RNF144A: variants seen among roughly 807,000 people sequenced by gnomAD.
RNF144A encodes the protein E3 ubiquitin-protein ligase RNF144A.
Under a neutral mutation model 38.7 loss-of-function variants are expected in RNF144A, and 11 were observed. The observed-to-expected ratio is 0.28, with a 90% CI of 0.18 to 0.47. The LOEUF (loss-of-function observed/expected upper bound fraction) is 0.47. RNF144A is among the 20% of genes least tolerant of loss of function. The probability of loss-of-function intolerance (pLI) is 0.99; values close to 1 mark genes in which losing one functional copy is unlikely to be tolerated. For synonymous variants in RNF144A, 149 were observed against 143.9 expected, an observed-to-expected ratio of 1.04 and a Z score of -0.25; for missense variants, 316 against 377.2, an observed-to-expected ratio of 0.84 and a Z score of 1.34.
At chr2:7,025,333 G>A (rs981275526) in intron 7 of RNF144A, among the ~76,000 whole-genome samples, 4 of 152,198 alleles carry the variant, frequency 2.6e-5, no homozygotes, top group African/African-American at 9.6e-5. Flanking sequence ...AAATGATGAA[G>A]CTATGATTTT....
rs1448609990 is a variant in RNF144A, at chr2:6,917,424, T to TCGCGCCCCGCC, written c.-404_-394dup. ...CCGCGTGCCCGGCCTCTGTGCGCGC[T>TCGCGCCCCGCC]CGCGCCCCGCCCGCGCAGCCGCTTC... On this transcript the variant is annotated 5_prime_UTR_variant, in exon 1 of 9. Transcript: ENST00000320892. This position sits in a 1 kb window ranked among gnomAD's most constrained non-coding sequence, Gnocchi z 4.8. The TCGCGCCCCGCC allele has an allele frequency of 1.4e-5, 2 of 145,636 alleles. No individual in the cohort carries two copies. The highest frequency in any genetic ancestry group is 3.0e-5 in the Non-Finnish European group (2 of 65,796). The allele number at this position is 145,636 out of a possible 1,614,324, so 9.0% of individuals were successfully genotyped here.
chr2:6,982,182 A>C (rs992264514), intron 2 of RNF144A, among the ~76,000 whole-genome samples: 2 of 152,246 alleles, frequency 1.3e-5, no homozygotes, highest in African/African-American at 4.8e-5. Flanking sequence ...CACAGAGCCA[A>C]ATCTTATCAT....
At chr2:7,056,609 C>T (rs1673749734) in intron 6 of RNF144A, among the ~76,000 whole-genome samples, 1 of 152,140 alleles carries the variant, frequency 6.6e-6, no homozygotes, top group African/African-American at 2.4e-5. Flanking sequence ...CAGCACTGGC[C>T]CCATTCCACT....
rs1572229727 is a variant in RNF144A at position 6,941,823 on chromosome 2, C to T, written c.-12+676C>T. On this transcript the variant is annotated intron_variant, in intron 2 of 8. Transcript: ENST00000320892. This position sits in a 1 kb window ranked among gnomAD's most constrained non-coding sequence, Gnocchi z 6.5. ...GGCAAGAGCGCTGTAGACAGAAGGG[C>T]TGGTGGCTGCAGCATACGGACAGCT... Among the ~76,000 whole-genome samples the T allele has an allele frequency of 6.6e-6, 1 of 152,228 alleles. No individual in the cohort carries two copies. Among genetic ancestry groups the T allele is most frequent in the Non-Finnish European group, 1.5e-5 (1 of 68,040 alleles).
At chr2:7,036,905 G>A (rs1221520872) in intron 8 of RNF144A, among the ~76,000 whole-genome samples, 1 of 152,170 alleles carries the variant, frequency 6.6e-6, no homozygotes, top group Non-Finnish European at 1.5e-5. Flanking sequence ...ATTATGAGAG[G>A]TGCCGGGCTG....
At chr2:6,947,964 C>T (rs1666445645) in intron 2 of RNF144A, among the ~76,000 whole-genome samples, 1 of 152,222 alleles carries the variant, frequency 6.6e-6, no homozygotes, top group Admixed American at 6.5e-5. Context: ...ATGTTAGCCA[C>T]TCACATGTTA....
At chr2:6,995,103 T>C (rs1669635710) in intron 2 of RNF144A, among the ~76,000 whole-genome samples, 1 of 152,150 alleles carries the variant, frequency 6.6e-6, no homozygotes, top group Non-Finnish European at 1.5e-5. Context: ...GAATTCTCCC[T>C]TCTCCTTCCA....
intron 2 of RNF144A, among the ~76,000 whole-genome samples, chr2:6,983,718 A>G (rs923914762): frequency 1.3e-5 from 2 of 151,992 alleles, no homozygotes; most frequent in Non-Finnish European, 2.9e-5. Flanking sequence ...TCTACCTTAT[A>G]GCAAAGGAGA....
At chr2:6,952,104 T>A (rs1666718846) in intron 2 of RNF144A, among the ~76,000 whole-genome samples, 1 of 152,302 alleles carries the variant, frequency 6.6e-6, no homozygotes, top group Non-Finnish European at 1.5e-5. Flanking sequence ...ATTTTATGTT[T>A]TTAATCATAA....
rs116203408 is a variant in RNF144A, at chr2:7,013,867, C to T, written c.136-587C>T. Among the ~76,000 whole-genome samples, 538 of 152,294 alleles carry T rather than the reference C, an allele frequency of 3.5e-3. 5 individuals carry two copies. Among genetic ancestry groups the T allele is most frequent in the African/African-American group, 0.013 (523 of 41,560 alleles). On this transcript the variant is annotated intron_variant, in intron 3 of 8. Transcript: ENST00000320892. ...GAGTAATTGCCTGGTAAGTGAGGCA[C>T]CCTGAGTGAGGAATGCCAAATACAG...
At chr2:7,017,311 T>TG (rs2103423798) in intron 5 of RNF144A, among the ~76,000 whole-genome samples, 1 of 104,680 alleles carries the variant, frequency 9.6e-6, no homozygotes, top group South Asian at 5.4e-4. Context: ...TGTTTTTTTT[T>TG]TTGTTCTTTG....
At chr2:7,013,150 T>C (rs1670922550) in intron 3 of RNF144A, among the ~76,000 whole-genome samples, 1 of 152,250 alleles carries the variant, frequency 6.6e-6, no homozygotes, top group African/African-American at 2.4e-5. Context: ...AATTATTCTT[T>C]ATATATCAAG....
chr2:6,921,216 C>G (rs1238972670), intron 1 of RNF144A, among the ~76,000 whole-genome samples: 3 of 152,134 alleles, frequency 2.0e-5, no homozygotes, highest in Non-Finnish European at 2.9e-5. Flanking sequence ...TAACCCAAGA[C>G]CTGAATTTAA....
At chr2:6,987,365 G>GGTGTGT (rs141792418) in intron 2 of RNF144A, among the ~76,000 whole-genome samples, 1 of 151,430 alleles carries the variant, frequency 6.6e-6, no homozygotes. Flanking sequence ...GGGTTTCTGG[G>GGTGTGT]GTGTGTGTGT....
chr2:7,013,224 C>A (rs1393100614), intron 3 of RNF144A, among the ~76,000 whole-genome samples: 1 of 152,128 alleles, frequency 6.6e-6, no homozygotes, highest in African/African-American at 2.4e-5. Context: ...TACAACTCCA[C>A]TGTGAGGTAG....
rs1057453598 is a variant in RNF144A, at chr2:6,941,943, A to G, written c.-12+796A>G. On this transcript the variant is annotated intron_variant, in intron 2 of 8. Coordinates refer to ENST00000320892, the MANE Select transcript of RNF144A (RefSeq NM_014746.6). This position sits in a 1 kb window ranked among gnomAD's most constrained non-coding sequence, Gnocchi z 6.5. ...ATAGTGGGACCTGGCTGTGCCTGCC[A>G]TTGCAGGCTGTGGGGGAATTCTAGG... Among the ~76,000 whole-genome samples the G allele has an allele frequency of 1.3e-5, 2 of 152,254 alleles. No individual in the cohort carries two copies. Among genetic ancestry groups the G allele is most frequent in the Admixed American group, 6.5e-5 (1 of 15,292 alleles).
intron 2 of RNF144A, among the ~76,000 whole-genome samples, chr2:6,983,549 T>C (rs957870331): frequency 2.0e-5 from 3 of 152,342 alleles, no homozygotes; most frequent in Admixed American, 6.5e-5. Flanking sequence ...CTTATTCTTA[T>C]GCAGATCTTA....
Position 7,039,830 on chromosome 2 carries a change from C to A in RNF144A, c.*70C>A. The A allele has an allele frequency of 6.4e-7, 1 of 1,571,944 alleles. No individual in the cohort carries two copies. The highest frequency in any genetic ancestry group is 8.6e-7 in the Non-Finnish European group (1 of 1,156,770). On this transcript the variant is annotated 3_prime_UTR_variant, in exon 9 of 9. Transcript: ENST00000320892. ...GCTCTCCCCCAACCCTCCCCACCGT[C>A]CCCCCTTCACTAAACATCTTTCTTG... is the stretch of plus-strand genomic sequence containing the variant.
intron 1 of RNF144A, among the ~76,000 whole-genome samples, chr2:6,926,812 T>A (rs1368181675): frequency 6.6e-6 from 1 of 152,246 alleles, no homozygotes; most frequent in Non-Finnish European, 1.5e-5. Context: ...TTGTTGTTGT[T>A]GTTTATTTAC....
Sources: allele counts gnomAD v4.1 joint callset (sites outside exome capture counted in the v4.1 genomes callset), GRCh38; gene constraint gnomAD v4.1.1; non-coding constraint Gnocchi (gnomAD v3.1); transcripts MANE v1.5; gene names NCBI Gene and HGNC (gene_info 2026-07-23, HGNC 2026-07-21).